IFT46: variants seen among roughly 807,000 people sequenced by gnomAD.
The protein encoded by IFT46 is intraflagellar transport 46, also known as intraflagellar transport protein 46 homolog.
In IFT46, 19 loss-of-function variants were observed where a neutral mutation model predicts 39.6. That is an observed-to-expected ratio of 0.48 (90% CI 0.33 to 0.70). The LOEUF (loss-of-function observed/expected upper bound fraction) is 0.70. IFT46 is among the 30% of genes least tolerant of loss of function. The pLI, the probability that IFT46 is intolerant of heterozygous loss-of-function variation, is 0.01. For synonymous variants in IFT46, 117 were observed against 134.8 expected, an observed-to-expected ratio of 0.87 and a Z score of 0.91; for missense variants, 334 against 364.8, an observed-to-expected ratio of 0.92 and a Z score of 0.69.
intron 2 of IFT46, chr11:118,561,082 G>C (rs1459658316): frequency 2.6e-6 from 4 of 1,526,276 alleles, no homozygotes; most frequent in Non-Finnish European, 3.6e-6. Context: ...AATACAATGT[G>C]GAAAGCATTG....
upstream of IFT46, among the ~76,000 whole-genome samples, chr11:118,575,154 A>G (rs1938461027): frequency 1.3e-5 from 2 of 151,844 alleles, no homozygotes; most frequent in South Asian, 2.1e-4. Context: ...ACTTTTTTGT[A>G]TTTTTAGTAG....
upstream of IFT46, among the ~76,000 whole-genome samples, chr11:118,570,392 A>G (rs1241672923): frequency 1.3e-5 from 2 of 152,096 alleles, no homozygotes; most frequent in Non-Finnish European, 2.9e-5. Context: ...TGGCTCTACC[A>G]CTTACTAGTT....
intron 2 of IFT46, chr11:118,561,311 C>T (rs1938048030): frequency 3.2e-5 from 34 of 1,071,958 alleles, no homozygotes; most frequent in Non-Finnish European, 4.6e-5. Flanking sequence ...AGATTACATG[C>T]ACTACTTAAC....
At chr11:118,556,833 G>T in intron 4 of IFT46, 73 bp downstream of exon 4, 1 of 1,442,350 alleles carries the variant, frequency 6.9e-7, no homozygotes, top group Non-Finnish European at 9.2e-7. Flanking sequence ...ACTTCTAACT[G>T]ACGTCCTCCC....
At chr11:118,563,369 T>C (rs1365065527) in intron 2 of IFT46, among the ~76,000 whole-genome samples, 2 of 152,206 alleles carry the variant, frequency 1.3e-5, no homozygotes, top group Non-Finnish European at 2.9e-5. Context: ...AACAACATTG[T>C]GAATGTACTT....
Position 118,544,548 on chromosome 11 carries a change from T to C in IFT46, c.*368A>G, listed in dbSNP as rs560192814. On this transcript the variant is annotated 3_prime_UTR_variant, in exon 12 of 12. Transcript: ENST00000264021. ...TCTGACAATATAATAGAGCATTTGA[T>C]TTATAAAATCTTTACTCACTAACTT... is the stretch of plus-strand genomic sequence containing the variant. The C allele has an allele frequency of 4.7e-6, 1 of 210,718 alleles. No individual in the cohort carries two copies. The highest frequency in any genetic ancestry group is 1.0e-4 in the South Asian group (1 of 9,820). 13.1% of individuals were successfully genotyped at this position (210,718 alleles called of 1,614,324 possible).
At chr11:118,559,741 A>C (rs1374240861) in intron 3 of IFT46, 44 bp downstream of exon 3, 1 of 1,540,614 alleles carries the variant, frequency 6.5e-7, no homozygotes, top group Non-Finnish European at 9.0e-7. Context: ...ACTACTAAAA[A>C]CCCAAAGCAG....
chr11:118,575,011 G>A (rs782547356), upstream of IFT46, among the ~76,000 whole-genome samples: 1 of 151,892 alleles, frequency 6.6e-6, no homozygotes, highest in Non-Finnish European at 1.5e-5. Flanking sequence ...ACGGATTCTC[G>A]CTCTGTCTCC....
intron 1 of IFT46, among the ~76,000 whole-genome samples, chr11:118,571,293 A>G (rs1938330766): frequency 6.6e-6 from 1 of 152,198 alleles, no homozygotes; most frequent in Non-Finnish European, 1.5e-5. Context: ...TTTTGTGACT[A>G]AATAATATTC....
chr11:118,545,473 T>C lies in IFT46; in HGVS notation c.755A>G (p.Tyr252Cys), dbSNP rs1171496892. ...MICAILDIPV[Y>C]KSRIQSLHLL... ...ATGGAGGGACTGGATCCGACTCTTG[T>C]AGACAGGGATGTCTAGAATGGCTGA... is the stretch of plus-strand genomic sequence containing the variant. The change falls in exon 11 of 12, where the codon TAC (tyrosine) becomes TGC (cysteine). Residue 252 changes from tyrosine to cysteine, a missense_variant. Physicochemically the swap from Tyr to Cys is radical, Grantham distance 194. Transcript: ENST00000264021. The C allele has an allele frequency of 2.5e-6, 4 of 1,613,354 alleles. No individual in the cohort carries two copies. Among genetic ancestry groups the C allele is most frequent in the South Asian group, 1.1e-5 (1 of 91,060 alleles).
At position 118,545,458 on chromosome 11, in the gene IFT46, T is replaced by A; in HGVS notation, c.770A>T (p.Gln257Leu). 6.2e-7 allele frequency: 1 copy of A among 1,613,762 alleles called. No homozygotes were observed. The highest frequency in any genetic ancestry group is 8.5e-7 in the Non-Finnish European group (1 of 1,179,686). The change falls in exon 11 of 12, where the codon CAG becomes CTG. Residue 257 changes from glutamine (Q) to leucine (L), a missense_variant. Coordinates refer to ENST00000264021, the MANE Select transcript of IFT46 (RefSeq NM_001168618.2). ...LDIPVYKSRI[Q>L]SLHLLFSLYS... is the part of the protein sequence containing the mutation. Reference sequence around the variant, plus strand: ...GAGGGAAAAGAGCAGATGGAGGGACTGGATCCGACTCTTGTAGACAGGGAT... The same window carrying A: ...GAGGGAAAAGAGCAGATGGAGGGACAGGATCCGACTCTTGTAGACAGGGAT...
chr11:118,548,098 G>T (rs1555067644), intron 9 of IFT46, among the ~76,000 whole-genome samples: 1 of 144,404 alleles, frequency 6.9e-6, no homozygotes, highest in East Asian at 2.0e-4. Context: ...GCCCAGGCTG[G>T]TCCTGAACTC....
In IFT46 at chr11:118,550,225, C is replaced by A. The variant is rs568096261; in HGVS notation, c.672+1561G>T. On this transcript the variant is annotated intron_variant, in intron 9 of 11. Transcript: ENST00000264021. ...GTGCTGGGATTACAGGTGTGAGCCA[C>A]CGCGCCTGGCCTAAGCCACTGCACC... 3.3e-5 allele frequency among the ~76,000 whole-genome samples: 5 copies of A among 152,306 alleles called. No individual in the cohort carries two copies. In the South Asian group the frequency reaches 1.0e-3, roughly 32 times the overall value.
rs111657631 is a variant in IFT46 at position 118,548,722 on chromosome 11, G to T, written c.673-2869C>A. Among the ~76,000 whole-genome samples, 436 of 151,548 alleles carry T rather than the reference G, an allele frequency of 2.9e-3. 3 individuals are homozygous for T. Among genetic ancestry groups the T allele is most frequent in the African/African-American group, 0.01 (416 of 41,306 alleles). ...TTCACCATGTTGGCTGGATGGTCTT[G>T]ATCTCTTGACCTCTTGCCTCGCCCT... On this transcript the variant is annotated intron_variant, in intron 9 of 11. Coordinates refer to ENST00000264021, the MANE Select transcript of IFT46 (RefSeq NM_001168618.2).
upstream of IFT46, among the ~76,000 whole-genome samples, chr11:118,576,542 A>G (rs1337134161): frequency 2.6e-5 from 4 of 151,790 alleles, no homozygotes; most frequent in African/African-American, 9.7e-5. Flanking sequence ...CTTTTAGTAT[A>G]TGCTATATTT....
chr11:118,545,962 G>T, intron 9 of IFT46, 109 bp from the exon 10 acceptor site: 1 of 891,176 alleles, frequency 1.1e-6, no homozygotes, highest in South Asian at 1.3e-5. Context: ...CAGGTTATGG[G>T]CTGAAATGTG....
chr11:118,559,153 C>T (rs1323525658), intron 3 of IFT46, among the ~76,000 whole-genome samples: 1 of 151,942 alleles, frequency 6.6e-6, no homozygotes, highest in Non-Finnish European at 1.5e-5. Context: ...CAGGAGTGCG[C>T]CACCACACCC....
chr11:118,565,773 G>A lies in IFT46; in HGVS notation c.-133+17C>T, dbSNP rs1213552367. The stretch of plus-strand genomic sequence containing the variant: ...TAGAAAGACAGTTCCCTTTTTGCTG[G>A]GATGAGTACTAATTACCTGTAGCCC... On this transcript the variant is annotated intron_variant, in intron 1 of 11. Transcript: ENST00000264021. 2.0e-5 allele frequency: 3 copies of A among 152,422 alleles called. No homozygotes were observed. Among genetic ancestry groups the A allele is most frequent in the Non-Finnish European group, 2.9e-5 (2 of 68,020 alleles). 9.4% of individuals were successfully genotyped at this position (152,422 alleles called of 1,614,324 possible).
chr11:118,566,237 C>G (rs369809356), upstream of IFT46, among the ~76,000 whole-genome samples: 9 of 152,220 alleles, frequency 5.9e-5, no homozygotes, highest in East Asian at 1.7e-3. Context: ...GCTCCCAGAT[C>G]AGTCTTACCA....
Sources: gnomAD v4.1 joint callset for allele counts (sites outside exome capture counted in the v4.1 genomes callset) on GRCh38, gnomAD v4.1.1 for gene constraint, MANE v1.5 for transcripts, NCBI Gene and HGNC (gene_info 2026-07-23, HGNC 2026-07-21) for gene names.